Variants in COL21A1 observed in about 807,000 individuals in gnomAD.
COL21A1 encodes the protein collagen alpha-1(XXI) chain.
COL21A1 carries 149 observed loss-of-function variants against 137.9 expected under a neutral mutation model. The ratio of observed to expected loss-of-function variants is 1.08; its 90% CI spans 0.95 to 1.24. COL21A1 has a LOEUF of 1.24. COL21A1 is among the 50% of genes most tolerant of loss of function. The pLI is 0.00. For synonymous variants in COL21A1, 456 were observed against 391.5 expected (o/e 1.16, Z -1.95); for missense variants, 1,167 against 1,158.4 (o/e 1.01, Z -0.11).
chr6:56,384,230 T>C (rs2094013650), intron 1 of COL21A1, among the ~76,000 whole-genome samples: 1 of 152,232 alleles, frequency 6.6e-6, no homozygotes, highest in Non-Finnish European at 1.5e-5. Context: ...TTCTGCACCA[T>C]GAGTGGGGTA....
chr6:56,319,458 T>C (rs4593354), intron 1 of COL21A1, among the ~76,000 whole-genome samples: 126,492 of 152,132 alleles, frequency 0.83, 53,459 homozygotes, highest in South Asian at 0.98. Context: ...TTGCCTCAGC[T>C]TCCCAAGTAG....
chr6:56,156,750 T>C (rs1200799630), intron 10 of COL21A1, 137 bp downstream of exon 10: 3 of 714,720 alleles, frequency 4.2e-6, no homozygotes, highest in Admixed American at 4.7e-5. Context: ...TCCAACAGAG[T>C]TGAGTTCAGT....
chr6:56,205,723 G>C (rs1582638294), intron 1 of COL21A1, among the ~76,000 whole-genome samples: 1 of 152,114 alleles, frequency 6.6e-6, no homozygotes. Context: ...AAATGTTAAG[G>C]GCAGCCAGAG....
At chr6:56,075,332 T>C in intron 19 of COL21A1, 147 bp downstream of exon 19, 1 of 645,502 alleles carries the variant, frequency 1.5e-6, no homozygotes, top group South Asian at 2.2e-5. Context: ...ACATAATATG[T>C]TTCATACAAC....
At chr6:56,297,105 T>A (rs9357905) in intron 1 of COL21A1, among the ~76,000 whole-genome samples, 130,231 of 152,038 alleles carry the variant, frequency 0.86, 57,938 homozygotes, top group South Asian at 0.99. Context: ...GATACAATAC[T>A]GAGCCCAAAC....
chr6:56,057,730 C>T lies in COL21A1; in HGVS notation c.2801G>A (p.Gly934Asp), dbSNP rs770598007. ...PGIQGQPGPPGICDPSLCFSV... is the reference protein window; with the variant it reads ...PGIQGQPGPPDICDPSLCFSV... ...AAAACATAGTGATGGGTCGCAGATG[C>T]CTGGGGGGCCTGGTTGCCCTTGGAT... is the stretch of plus-strand genomic sequence containing the variant. Residue 934 changes from glycine (G) to aspartate (D), a missense_variant, in exon 30 of 30, where the codon GGC (glycine) becomes GAC (aspartate). Physicochemically the swap from Gly to Asp is moderately conservative, Grantham distance 94 (BLOSUM62 -1). Transcript: ENST00000244728. 4 of 1,612,696 alleles carry T rather than the reference C, an allele frequency of 2.5e-6. No individual in the cohort carries two copies. Among genetic ancestry groups the T allele is most frequent in the East Asian group, 4.5e-5 (2 of 44,724 alleles).
At chr6:56,096,762 C>G (rs1042115513) in intron 17 of COL21A1, among the ~76,000 whole-genome samples, 1 of 152,084 alleles carries the variant, frequency 6.6e-6, no homozygotes, top group African/African-American at 2.4e-5. Flanking sequence ...AGCTTCTGTC[C>G]TTCCATGTGA....
In COL21A1 at chr6:56,057,646, G is replaced by A. The variant is rs552856218; in HGVS notation, c.*11C>T. The stretch of plus-strand genomic sequence containing the variant: ...GCACCATGCCTAGGCTGCTGAATGA[G>A]GCATCAGACACTAATAGTTTGGTCC... On this transcript the variant is annotated 3_prime_UTR_variant, in exon 30 of 30. Transcript: ENST00000244728. The A allele has an allele frequency of 1.2e-6, 2 of 1,611,726 alleles. No individual in the cohort carries two copies. Among genetic ancestry groups the A allele is most frequent in the Non-Finnish European group, 1.7e-6 (2 of 1,178,888 alleles).
At chr6:56,098,961 C>A (rs900353211) in intron 17 of COL21A1, among the ~76,000 whole-genome samples, 4 of 150,256 alleles carry the variant, frequency 2.7e-5, no homozygotes, top group African/African-American at 4.9e-5. Context: ...ATGATCCGCC[C>A]GCCTCGGCCT....
At chr6:56,159,884 T>A (rs1270716989) in intron 9 of COL21A1, among the ~76,000 whole-genome samples, 1 of 152,140 alleles carries the variant, frequency 6.6e-6, no homozygotes, top group Admixed American at 6.6e-5. Flanking sequence ...ATAAAAAAGA[T>A]ATTTAATAAT....
chr6:56,259,043 T>TC (rs1243546002), intron 1 of COL21A1, among the ~76,000 whole-genome samples: 1 of 152,138 alleles, frequency 6.6e-6, no homozygotes, highest in African/African-American at 2.4e-5. Flanking sequence ...TTATTTGCAC[T>TC]CCCCCTTTAT....
intron 17 of COL21A1, among the ~76,000 whole-genome samples, chr6:56,092,808 T>C (rs982879196): frequency 6.6e-6 from 1 of 152,174 alleles, no homozygotes. Flanking sequence ...TACCACAAAC[T>C]TGGTTTACAC....
At chr6:56,224,920 T>C (rs1418820555) in intron 1 of COL21A1, among the ~76,000 whole-genome samples, 3 of 151,978 alleles carry the variant, frequency 2.0e-5, no homozygotes, top group Non-Finnish European at 4.4e-5. Flanking sequence ...ATCATCAAAC[T>C]CATGGTGATA....
intron 1 of COL21A1, among the ~76,000 whole-genome samples, chr6:56,374,526 C>T (rs538884968): frequency 2.0e-5 from 3 of 152,108 alleles, no homozygotes; most frequent in Non-Finnish European, 2.9e-5. Flanking sequence ...AGATTGAGAC[C>T]ATCCTGGCCA....
intron 1 of COL21A1, among the ~76,000 whole-genome samples, chr6:56,376,824 C>T (rs556210790): frequency 4.6e-4 from 53 of 114,068 alleles, no homozygotes; most frequent in African/African-American, 1.6e-3. Flanking sequence ...CACCAATCGA[C>T]GCCCACCCCC....
At chr6:56,154,000 C>T (rs1046510661) in intron 10 of COL21A1, among the ~76,000 whole-genome samples, 21 of 152,078 alleles carry the variant, frequency 1.4e-4, no homozygotes, top group African/African-American at 5.1e-4. Flanking sequence ...AGTCCCAATT[C>T]CCCCCTGCTA....
At position 56,339,558 on chromosome 6, in the gene COL21A1, C is replaced by A. The variant is rs1177985916; in HGVS notation, c.-39+54413G>T. On this transcript the variant is annotated intron_variant, in intron 1 of 28. Transcript: ENST00000370819. ...TTGTTGATAGTCAATATTACCAAATCTTTGGTTTTCTCTCTGTTAGTGAAG... is the reference window on the plus strand; with the variant it reads ...TTGTTGATAGTCAATATTACCAAATATTTGGTTTTCTCTCTGTTAGTGAAG... 1.1e-4 allele frequency among the ~76,000 whole-genome samples: 10 copies of A among 87,122 alleles called. No homozygotes were observed. In the Admixed American group the frequency reaches 1.2e-3, roughly 11 times the overall value. 57.2% of individuals were successfully genotyped at this position (87,122 alleles called of 152,430 possible).
At chr6:56,370,322 G>A (rs527658808) in intron 1 of COL21A1, among the ~76,000 whole-genome samples, 52 of 152,250 alleles carry the variant, frequency 3.4e-4, no homozygotes, top group African/African-American at 3.1e-4. Flanking sequence ...CCGGCATCAC[G>A]TCCCTCTCTG....
At chr6:56,159,031 T>A (rs573753658) in intron 9 of COL21A1, among the ~76,000 whole-genome samples, 1 of 152,290 alleles carries the variant, frequency 6.6e-6, no homozygotes, top group South Asian at 2.1e-4. Flanking sequence ...AAGGTGCACA[T>A]TAATCTCCAG....
Sources: gnomAD v4.1 joint callset for allele counts (sites outside exome capture counted in the v4.1 genomes callset) on GRCh38, gnomAD v4.1.1 for gene constraint, MANE v1.5 for transcripts, NCBI Gene and HGNC (gene_info 2026-07-23, HGNC 2026-07-21) for gene names.